The following DIP2C variants were observed in gnomAD, a reference collection of about 807,000 sequenced individuals.
DIP2C encodes the protein disco-interacting protein 2 homolog C.
A neutral mutation model predicts 192.4 loss-of-function variants in DIP2C; 33 were observed. That is an observed-to-expected ratio of 0.17 (90% CI 0.13 to 0.23). The LOEUF (loss-of-function observed/expected upper bound fraction) is 0.23, where lower values mean the gene tolerates loss of function less well. Among genes scored for constraint, DIP2C ranks in the 10% least tolerant of loss-of-function variants. The probability of loss-of-function intolerance (pLI) is 1.00; values close to 1 mark genes in which losing one functional copy is unlikely to be tolerated. For missense variants in DIP2C, 1,537 were observed against 2,110.1 expected (o/e 0.73, Z 5.32); for synonymous variants, 979 against 864.1 (o/e 1.13, Z -2.33).
intron 1 of DIP2C, among the ~76,000 whole-genome samples, chr10:570,318 A>G (rs1849705426): frequency 2.0e-5 from 3 of 152,190 alleles, no homozygotes; most frequent in Admixed American, 6.5e-5. Flanking sequence ...ACAGTTTTAA[A>G]GAGGCCAAGC....
chr10:547,215 G>T (rs1434193940), intron 1 of DIP2C, among the ~76,000 whole-genome samples: 1 of 152,180 alleles, frequency 6.6e-6, no homozygotes, highest in Non-Finnish European at 1.5e-5. Flanking sequence ...AACCCAGGGA[G>T]CTCCCCCAGC....
intron 1 of DIP2C, among the ~76,000 whole-genome samples, chr10:503,276 G>A (rs1048672877): frequency 1.3e-5 from 2 of 152,224 alleles, no homozygotes; most frequent in African/African-American, 4.8e-5. Flanking sequence ...ACTTTCTGTA[G>A]ATGCAGACAA....
intron 1 of DIP2C, among the ~76,000 whole-genome samples, chr10:553,864 A>G (rs1848707555): frequency 6.6e-6 from 1 of 151,926 alleles, no homozygotes. Context: ...GCTTGTAACT[A>G]ACAGTGAACA....
chr10:516,177 C>T (rs1314936081), intron 1 of DIP2C, among the ~76,000 whole-genome samples: 2 of 146,684 alleles, frequency 1.4e-5, no homozygotes, highest in Non-Finnish European at 3.0e-5. Flanking sequence ...GGCAGGTTCT[C>T]CCTACATCTT....
At chr10:479,094 A>C (rs1052156488) in intron 2 of DIP2C, among the ~76,000 whole-genome samples, 2 of 152,204 alleles carry the variant, frequency 1.3e-5, no homozygotes, top group South Asian at 4.1e-4. Context: ...AGCAGTTTCT[A>C]AATCCAGTCC....
intron 32 of DIP2C, among the ~76,000 whole-genome samples, chr10:294,187 T>C (rs1018845218): frequency 4.6e-5 from 7 of 152,140 alleles, no homozygotes; most frequent in Non-Finnish European, 1.0e-4. Context: ...GAGCCGACCT[T>C]GCAGCCCAAA....
intron 6 of DIP2C, among the ~76,000 whole-genome samples, chr10:417,931 AGGGCTTCGATAGGCCTCCCTGTCCAC>A (rs1564686129): frequency 9.7e-6 from 1 of 102,754 alleles, no homozygotes; most frequent in Non-Finnish European, 2.0e-5. Context: ...TGTTCCTGTC[AGGGCTTCGATAGGCCTCCCTGTCCAC>A]CTGCACCTGT....
intron 3 of DIP2C, among the ~76,000 whole-genome samples, chr10:455,052 C>A (rs1036736474): frequency 1.2e-4 from 19 of 152,192 alleles, no homozygotes; most frequent in African/African-American, 3.4e-4. Context: ...GGCTGCTGTC[C>A]AATGGCAAAG....
At chr10:681,477 C>A (rs1171614918) in intron 1 of DIP2C, among the ~76,000 whole-genome samples, 1 of 151,822 alleles carries the variant, frequency 6.6e-6, no homozygotes, top group East Asian at 1.9e-4. Context: ...GGAACATAGA[C>A]CCCAGTCCCA....
chr10:363,014 C>T lies in DIP2C; in HGVS notation c.2592+183G>A, dbSNP rs1233945829. On this transcript the variant is annotated intron_variant, in intron 21 of 36. Transcript: ENST00000280886. This position sits in a 1 kb window ranked among gnomAD's most constrained non-coding sequence, Gnocchi z 5.4. ...GAACCAGCTGTGCAAATTCCTGGTC[C>T]CTACACCCTCGATCTGCTGAGCTAG... Among the ~76,000 whole-genome samples, 1 of 152,150 alleles carries T rather than the reference C, an allele frequency of 6.6e-6. No homozygotes were observed. The highest frequency in any genetic ancestry group is 1.5e-5 in the Non-Finnish European group (1 of 68,032).
At chr10:619,574 C>A (rs374772845) in intron 1 of DIP2C, among the ~76,000 whole-genome samples, 2 of 145,978 alleles carry the variant, frequency 1.4e-5, no homozygotes, top group African/African-American at 5.1e-5. Flanking sequence ...CACTCCCGTG[C>A]GAGCTAATAT....
intron 1 of DIP2C, among the ~76,000 whole-genome samples, chr10:604,798 A>G (rs1445318357): frequency 2.0e-5 from 3 of 152,234 alleles, no homozygotes; most frequent in East Asian, 1.9e-4. Context: ...GACTTGGATA[A>G]GCATGATTTT....
intron 5 of DIP2C, among the ~76,000 whole-genome samples, chr10:421,282 A>C (rs1391188847): frequency 6.6e-6 from 1 of 152,232 alleles, no homozygotes; most frequent in East Asian, 1.9e-4. Context: ...AACTTCCTCC[A>C]GTACTGCAAG....
At chr10:335,640 C>A (rs2132502465) in intron 29 of DIP2C, among the ~76,000 whole-genome samples, 1 of 152,346 alleles carries the variant, frequency 6.6e-6, no homozygotes, top group Non-Finnish European at 1.5e-5. Flanking sequence ...ATGGGGAGAT[C>A]CAGGACAGGC....
intron 1 of DIP2C, among the ~76,000 whole-genome samples, chr10:661,634 C>A (rs111633327): frequency 1.3e-5 from 2 of 152,174 alleles, no homozygotes; most frequent in African/African-American, 4.8e-5. Context: ...CTAAGCAGGG[C>A]CTTTTCTGGG....
intron 1 of DIP2C, among the ~76,000 whole-genome samples, chr10:602,619 T>G (rs1399676858): frequency 6.6e-6 from 1 of 152,114 alleles, no homozygotes; most frequent in Non-Finnish European, 1.5e-5. Flanking sequence ...CACCTTGACC[T>G]CGGACTTCCC....
In DIP2C at chr10:651,540, T is replaced by G. The variant is rs1855905591; in HGVS notation, c.85+37954A>C. ...GGTATTATGCAAAAAAAGCTTAACT[T>G]TGTTTCAGTGCCTTTCCAGTTAAAT... On this transcript the variant is annotated intron_variant, in intron 1 of 36. Coordinates refer to ENST00000280886, the MANE Select transcript of DIP2C (RefSeq NM_014974.3). The surrounding 1 kb of genome is among the most constrained non-coding windows in gnomAD (Gnocchi z 4.1). 2.2e-6 allele frequency: 1 copy of G among 462,576 alleles called. No homozygotes were observed. The highest frequency in any genetic ancestry group is 3.8e-4 in the Middle Eastern group (1 of 2,634). The allele number at this position is 462,576 out of a possible 1,614,324, so 28.7% of individuals were successfully genotyped here.
chr10:578,628 G>T (rs1158276874), intron 1 of DIP2C, among the ~76,000 whole-genome samples: 2 of 152,162 alleles, frequency 1.3e-5, no homozygotes, highest in Non-Finnish European at 2.9e-5. Flanking sequence ...ACTCTCCGGT[G>T]CTAACGAGAT....
Position 456,342 on chromosome 10 carries a change from T to TGA in DIP2C, c.269-15348_269-15347dup, listed in dbSNP as rs775181296. On this transcript the variant is annotated intron_variant, in intron 3 of 36. Transcript: ENST00000280886. ...AAACACTCTGCAGTGAGTCCCTGCC[T>TGA]GAGGGGAGGCCGTGAGGAGTAAATG... Among the ~76,000 whole-genome samples the TGA allele has an allele frequency of 1.4e-4, 19 of 132,510 alleles. 1 individual carries two copies. The highest frequency in any genetic ancestry group is 2.3e-4 in the Non-Finnish European group (15 of 65,334). 86.9% of individuals were successfully genotyped at this position (132,510 alleles called of 152,430 possible).
Sources: gnomAD v4.1 joint callset for allele counts (sites outside exome capture counted in the v4.1 genomes callset) on GRCh38, gnomAD v4.1.1 for gene constraint, Gnocchi (gnomAD v3.1) non-coding constraint, MANE v1.5 for transcripts, NCBI Gene and HGNC (gene_info 2026-07-23, HGNC 2026-07-21) for gene names.